The following NEDD9 variants were observed in gnomAD, a reference collection of about 807,000 sequenced individuals.
NEDD9 encodes the protein enhancer of filamentation 1.
NEDD9 carries 26 observed loss-of-function variants against 76.6 expected under a neutral mutation model. The ratio of observed to expected loss-of-function variants is 0.34; its 90% CI spans 0.25 to 0.47. The LOEUF (loss-of-function observed/expected upper bound fraction) is 0.47. NEDD9 is among the 20% of genes least tolerant of loss of function. The probability of loss-of-function intolerance (pLI) is 1.00; values close to 1 mark genes in which losing one functional copy is unlikely to be tolerated. For synonymous variants in NEDD9, 392 were observed against 414.2 expected (o/e 0.95, Z 0.65); for missense variants, 937 against 1,058.5 (o/e 0.89, Z 1.59).
At chr6:11,345,637 T>G (rs1762350740) in intron 1 of NEDD9, among the ~76,000 whole-genome samples, 1 of 152,138 alleles carries the variant, frequency 6.6e-6, no homozygotes, top group Non-Finnish European at 1.5e-5. Flanking sequence ...TGCTCTTAGC[T>G]CTCCTGTCTT....
intron 2 of NEDD9, among the ~76,000 whole-genome samples, chr6:11,307,812 A>T (rs575011223): frequency 6.6e-6 from 1 of 152,128 alleles, no homozygotes; most frequent in Non-Finnish European, 1.5e-5. Context: ...AGCCCTTTCC[A>T]GTGCAACCCC....
At chr6:11,304,333 T>C (rs564120717) in intron 3 of NEDD9, among the ~76,000 whole-genome samples, 1 of 152,072 alleles carries the variant, frequency 6.6e-6, no homozygotes, top group African/African-American at 2.4e-5. Context: ...TGTGGAGAAA[T>C]AGGAAGGGTT....
chr6:11,231,973 C>T (rs1354342347), intron 1 of NEDD9, among the ~76,000 whole-genome samples: 1 of 152,176 alleles, frequency 6.6e-6, no homozygotes, highest in Non-Finnish European at 1.5e-5. Context: ...AATTTTCCAT[C>T]CTCAGCTGTG....
chr6:11,336,613 G>C (rs1488733199), intron 1 of NEDD9, among the ~76,000 whole-genome samples: 1 of 152,144 alleles, frequency 6.6e-6, no homozygotes, highest in Admixed American at 6.5e-5. Flanking sequence ...GAATGTGAAG[G>C]CCTCGGACAT....
intron 1 of NEDD9, among the ~76,000 whole-genome samples, chr6:11,355,960 A>AT (rs2113543357): frequency 6.6e-6 from 1 of 152,226 alleles, no homozygotes; most frequent in South Asian, 2.1e-4. Context: ...TGACCTCGTG[A>AT]TCTGCCCACC....
At chr6:11,214,672 A>G (rs1758893100) in intron 1 of NEDD9, among the ~76,000 whole-genome samples, 1 of 152,200 alleles carries the variant, frequency 6.6e-6, no homozygotes, top group African/African-American at 2.4e-5. Flanking sequence ...GGCTCGGAAG[A>G]TTTCATTTCT....
At chr6:11,193,483 T>C in intron 3 of NEDD9, 108 bp downstream of exon 3, 2 of 707,598 alleles carry the variant, frequency 2.8e-6, no homozygotes, top group South Asian at 4.3e-5. Context: ...CAAAGCTTCA[T>C]ATGACATATA....
chr6:11,355,708 G>A (rs1762551921), intron 1 of NEDD9, among the ~76,000 whole-genome samples: 2 of 151,178 alleles, frequency 1.3e-5, no homozygotes, highest in South Asian at 2.1e-4. Flanking sequence ...ATTTTTGAGA[G>A]CTTTAGGTTT....
intron 1 of NEDD9, among the ~76,000 whole-genome samples, chr6:11,380,354 A>G (rs975138281): frequency 6.6e-6 from 1 of 152,224 alleles, no homozygotes; most frequent in Non-Finnish European, 1.5e-5. Context: ...AGGGAAGGAG[A>G]GAAGCCATGA....
In NEDD9 at chr6:11,243,980, G is replaced by C. The variant is rs2113294880; in HGVS notation, c.13-30253C>G. ...ATCAAACACTAGTCTAGACGTTGCT[G>C]TGAAGGTGTTTTAAAGAGGAGATAA... On this transcript the variant is annotated intron_variant, in intron 3 of 3. Coordinates refer to the NEDD9 transcript ENST00000397378. Among the ~76,000 whole-genome samples the C allele has an allele frequency of 2.0e-5, 3 of 152,330 alleles. 1 individual carries two copies. Among genetic ancestry groups the C allele is most frequent in the Middle Eastern group, 6.8e-3 (2 of 294 alleles).
At chr6:11,272,029 G>C (rs889320811) in intron 3 of NEDD9, among the ~76,000 whole-genome samples, 2 of 152,160 alleles carry the variant, frequency 1.3e-5, no homozygotes, top group East Asian at 3.8e-4. Context: ...GCACTTCTTA[G>C]GTGGCCCCAC....
chr6:11,339,416 C>A lies in NEDD9; in HGVS notation c.-213-4855G>T, dbSNP rs1762229611. 2.6e-5 allele frequency among the ~76,000 whole-genome samples: 4 copies of A among 152,298 alleles called. No homozygotes were observed. The South Asian group carries it at 8.3e-4, about 32-fold the overall frequency. ...TGAGGCTGAGCCTTTCCACTGCTCT[C>A]TCCCTCATTAAATAAATGGATACTC... On this transcript the variant is annotated intron_variant, in intron 1 of 3. Coordinates refer to the NEDD9 transcript ENST00000397378.
intron 3 of NEDD9, among the ~76,000 whole-genome samples, chr6:11,267,307 C>G (rs1760218105): frequency 6.7e-6 from 1 of 150,150 alleles, no homozygotes; most frequent in Non-Finnish European, 1.5e-5. Flanking sequence ...ACAAATGGCT[C>G]TTGTGCTTAT....
chr6:11,343,610 G>A (rs2113524633), intron 1 of NEDD9, among the ~76,000 whole-genome samples: 1 of 152,242 alleles, frequency 6.6e-6, no homozygotes, highest in Non-Finnish European at 1.5e-5. Flanking sequence ...TGCCTGTTAT[G>A]TTCAGAGCTG....
chr6:11,226,391 T>C (rs1003227713), intron 1 of NEDD9, among the ~76,000 whole-genome samples: 4 of 152,236 alleles, frequency 2.6e-5, no homozygotes, highest in Non-Finnish European at 5.9e-5. Context: ...CTGTTTCATT[T>C]GTCTTGGCGA....
chr6:11,241,416 C>T lies in NEDD9; in HGVS notation c.13-27689G>A, dbSNP rs942575628. ...ATGTGATATGATGCGACTTTGTAGC[C>T]CTCTTCCCCTCTCCACGTCTTGCTA... On this transcript the variant is annotated intron_variant, in intron 3 of 3. Coordinates refer to the NEDD9 transcript ENST00000397378. This position sits in a 1 kb window ranked among gnomAD's most constrained non-coding sequence, Gnocchi z 4.0. Among the ~76,000 whole-genome samples the T allele has an allele frequency of 3.3e-5, 5 of 152,104 alleles. No individual in the cohort carries two copies. The highest frequency in any genetic ancestry group is 5.9e-5 in the Non-Finnish European group (4 of 68,022).
At chr6:11,357,385 T>C (rs1175463067) in intron 1 of NEDD9, among the ~76,000 whole-genome samples, 1 of 152,162 alleles carries the variant, frequency 6.6e-6, no homozygotes, top group African/African-American at 2.4e-5. Context: ...ACATCTTCCG[T>C]AGTCTGAGAA....
At chr6:11,195,716 C>T (rs1161948152) in intron 2 of NEDD9, among the ~76,000 whole-genome samples, 1 of 152,234 alleles carries the variant, frequency 6.6e-6, no homozygotes, top group African/African-American at 2.4e-5. Context: ...GCGGGCATGT[C>T]GGGCGCAGTG....
In NEDD9 at chr6:11,190,331, A is replaced by G. The variant is rs759356529; in HGVS notation, c.1538T>C (p.Leu513Pro). Residue 513 changes from leucine to proline, a missense_variant, in exon 5 of 7, where the codon CTG (leucine) becomes CCG (proline). Coordinates refer to ENST00000379446, the MANE Select transcript of NEDD9 (RefSeq NM_006403.4). This position sits in a 1 kb window ranked among gnomAD's most constrained non-coding sequence, Gnocchi z 5.8. The stretch of plus-strand genomic sequence containing the variant: ...GGGCTTGTTGATGGCCAAGATATTC[A>G]GGGACCAGCTGCACTCATTTAAGTC... The part of the protein sequence containing the change: ...SHDLNECSWS[L>P]NILAINKPQN... 7 of 1,614,176 alleles carry G rather than the reference A, an allele frequency of 4.3e-6. No homozygotes were observed. Among genetic ancestry groups the G allele is most frequent in the South Asian group, 2.2e-5 (2 of 91,072 alleles).
Sources: gnomAD v4.1 joint callset for allele counts (sites outside exome capture counted in the v4.1 genomes callset) on GRCh38, gnomAD v4.1.1 for gene constraint, Gnocchi (gnomAD v3.1) non-coding constraint, MANE v1.5 for transcripts, NCBI Gene and HGNC (gene_info 2026-07-23, HGNC 2026-07-21) for gene names.